Variants in KCNMA1 observed in about 807,000 individuals in gnomAD.
KCNMA1 encodes the protein Calcium-activated potassium channel subunit alpha-1.
A neutral mutation model predicts 140.0 loss-of-function variants in KCNMA1; 29 were observed. That is an observed-to-expected ratio of 0.21 (90% CI 0.15 to 0.28). The LOEUF is 0.28. Ranked by LOEUF, KCNMA1 falls within the 10% of genes least tolerant of loss-of-function variation. The pLI, the probability that KCNMA1 is intolerant of heterozygous loss-of-function variation, is 1.00. For missense variants in KCNMA1, 880 were observed against 1,602.2 expected (o/e 0.55, Z 7.70); for synonymous variants, 612 against 611.9 (o/e 1.00, Z 0.00).
rs139828121 is a variant in KCNMA1 at position 77,112,627 on chromosome 10, C to T, written c.885-185G>A. ...GCTGGGATGAAGGTCAGGACAGAGC[C>T]TAGAGGAACAAATTTAACTTTGGTA... On this transcript the variant is annotated intron_variant, in intron 6 of 27. Transcript: ENST00000286628. 1.2e-4 allele frequency among the ~76,000 whole-genome samples: 19 copies of T among 152,220 alleles called. No homozygotes were observed. The East Asian group carries it at 3.1e-3, about 25-fold the overall frequency.
At chr10:77,636,445 G>T (rs760458966) in intron 1 of KCNMA1, 1 of 1,536,196 alleles carries the variant, frequency 6.5e-7, no homozygotes, top group Non-Finnish European at 8.7e-7. Flanking sequence ...GCGTAAAACC[G>T]CGGCCTCAGG....
intron 1 of KCNMA1, among the ~76,000 whole-genome samples, chr10:77,552,808 G>A (rs1451215418): frequency 6.6e-6 from 1 of 152,176 alleles, no homozygotes. Flanking sequence ...CAGCACTTTG[G>A]GAGGCTGAGG....
At chr10:77,029,532 A>G (rs2093756975) in intron 15 of KCNMA1, among the ~76,000 whole-genome samples, 1 of 152,352 alleles carries the variant, frequency 6.6e-6, no homozygotes, top group South Asian at 2.1e-4. Flanking sequence ...AGTGAAGCCT[A>G]TTTTGTATTG....
At chr10:77,224,211 T>C (rs2154193616) in intron 3 of KCNMA1, among the ~76,000 whole-genome samples, 1 of 152,346 alleles carries the variant, frequency 6.6e-6, no homozygotes, top group East Asian at 1.9e-4. Flanking sequence ...TTTATTCCAG[T>C]TTCTGTCCTG....
intron 2 of KCNMA1, among the ~76,000 whole-genome samples, chr10:77,286,752 T>A (rs1453438584): frequency 2.4e-4 from 3 of 12,546 alleles, no homozygotes; most frequent in African/African-American, 2.5e-4. Context: ...CTAGGGACGG[T>A]GTGTGTGTGT....
intron 3 of KCNMA1, among the ~76,000 whole-genome samples, chr10:77,218,285 GCCATTTAAA>G (rs768527745): frequency 3.9e-4 from 59 of 152,098 alleles, no homozygotes; most frequent in Non-Finnish European, 4.7e-4. Context: ...ACCCATACAG[GCCATTTAAA>G]CCATTTAAAC....
At chr10:77,024,363 T>C (rs2093190958) in intron 16 of KCNMA1, among the ~76,000 whole-genome samples, 1 of 151,826 alleles carries the variant, frequency 6.6e-6, no homozygotes, top group African/African-American at 2.4e-5. Context: ...AATCAGATTT[T>C]GGAAAAAGAT....
rs762661695 is a variant in KCNMA1 at position 76,949,150 on chromosome 10, T to C, written c.2701A>G (p.Ile901Val). ...ETLHNFPKVSILPGTPLSRAD... is the reference protein window; with the variant it reads ...ETLHNFPKVSVLPGTPLSRAD... ...TGTGACCTTGGACTTACAGGCAATA[T>C]GGACACTTTGGGGAAGTTATGAAGC... The change falls in exon 22 of 28, where the codon ATA becomes GTA. Residue 901 changes from isoleucine to valine, a missense_variant. Physicochemically the swap from Ile to Val is conservative, Grantham distance 29. This residue lies in a region of KCNMA1 where 82 missense variants were observed against 170.1 expected (regional missense o/e 0.48). Transcript: ENST00000286628. The C allele has an allele frequency of 1.2e-6, 2 of 1,612,634 alleles. No homozygotes were observed. Among genetic ancestry groups the C allele is most frequent in the Admixed American group, 3.3e-5 (2 of 60,008 alleles).
intron 16 of KCNMA1, among the ~76,000 whole-genome samples, chr10:77,023,768 T>G (rs2093120285): frequency 6.6e-6 from 1 of 152,186 alleles, no homozygotes. Flanking sequence ...TTTCTGGGCT[T>G]TCAAATACAT....
At chr10:77,246,488 C>A (rs998134594) in intron 3 of KCNMA1, among the ~76,000 whole-genome samples, 51 of 152,268 alleles carry the variant, frequency 3.3e-4, no homozygotes, top group African/African-American at 1.1e-3. Flanking sequence ...GGATGAGAGA[C>A]CAGGCTATGT....
At chr10:76,899,446 C>T (rs1384052796) in intron 25 of KCNMA1, among the ~76,000 whole-genome samples, 1 of 152,122 alleles carries the variant, frequency 6.6e-6, no homozygotes, top group East Asian at 1.9e-4. Flanking sequence ...GACCTTAATA[C>T]AAAAGTTGGC....
At chr10:77,039,883 CTTTTTTT>C (rs34943268) in intron 14 of KCNMA1, among the ~76,000 whole-genome samples, 2 of 78,954 alleles carry the variant, frequency 2.5e-5, no homozygotes, top group Non-Finnish European at 4.4e-5. Flanking sequence ...TTTTCTTTTT[CTTTTTTT>C]TTTTTTTTTT....
At chr10:77,130,279 C>T (rs1225513904) in intron 5 of KCNMA1, among the ~76,000 whole-genome samples, 1 of 152,128 alleles carries the variant, frequency 6.6e-6, no homozygotes, top group African/African-American at 2.4e-5. Flanking sequence ...CAATACATTA[C>T]ACTAAATTTT....
At chr10:77,438,115 T>C (rs2097301881) in intron 1 of KCNMA1, among the ~76,000 whole-genome samples, 2 of 152,098 alleles carry the variant, frequency 1.3e-5, no homozygotes, top group Admixed American at 1.3e-4. Context: ...TAGAGTGAAG[T>C]GGTGCAATCA....
intron 1 of KCNMA1, among the ~76,000 whole-genome samples, chr10:77,538,408 C>T (rs1407196807): frequency 1.3e-5 from 2 of 152,176 alleles, no homozygotes; most frequent in East Asian, 3.8e-4. Flanking sequence ...GATCCTTGGT[C>T]GCTGAAGCAG....
chr10:76,882,323 G>C (rs190990931), downstream of KCNMA1, among the ~76,000 whole-genome samples: 666 of 152,258 alleles, frequency 4.4e-3, 3 homozygotes, highest in Middle Eastern at 0.031. Context: ...GAGAGAAAAG[G>C]CTCAAAAAGA....
chr10:77,425,109 GTGGATGGA>G lies in KCNMA1; in HGVS notation c.379-21094_379-21087del, dbSNP rs200540048. 5.0e-3 allele frequency among the ~76,000 whole-genome samples: 756 copies of G among 150,212 alleles called. 13 individuals carry two copies. The highest frequency in any genetic ancestry group is 0.024 in the Admixed American group (360 of 15,122). On this transcript the variant is annotated intron_variant, in intron 1 of 27. Transcript: ENST00000286628. Reference sequence around the variant, plus strand: ...AGTGGATGGATGGATGGATGGATGAGTGGATGGATGGATGGATGGATGGATGGATGGAT... The same window carrying G: ...AGTGGATGGATGGATGGATGGATGAGTGGATGGATGGATGGATGGATGGAT...
intron 1 of KCNMA1, among the ~76,000 whole-genome samples, chr10:77,534,973 C>T (rs991777887): frequency 3.3e-5 from 5 of 152,206 alleles, no homozygotes; most frequent in Admixed American, 2.6e-4. Context: ...TATATACCTA[C>T]AACCTATAAC....
chr10:77,165,478 A>C (rs2098630610), intron 5 of KCNMA1, among the ~76,000 whole-genome samples: 1 of 152,234 alleles, frequency 6.6e-6, no homozygotes, highest in Non-Finnish European at 1.5e-5. Flanking sequence ...AGATCATTTC[A>C]ATATTTCTTT....
Sources: gnomAD v4.1 joint callset for allele counts (sites outside exome capture counted in the v4.1 genomes callset) on GRCh38, gnomAD v4.1.1 for gene constraint, gnomAD v4.1.1 regional missense constraint, MANE v1.5 for transcripts, NCBI Gene and HGNC (gene_info 2026-07-23, HGNC 2026-07-21) for gene names.